ORC3: variants seen among roughly 807,000 people sequenced by gnomAD.
ORC3 encodes the protein origin recognition complex subunit 3, also known as homolog of latheo, Drosophila.
Under a neutral mutation model 100.7 loss-of-function variants are expected in ORC3, and 78 were observed. That is an observed-to-expected ratio of 0.77 (90% CI 0.65 to 0.94). The LOEUF is 0.94. ORC3 is among the 40% of genes least tolerant of loss of function. The probability of loss-of-function intolerance (pLI) is 0.00; values close to 1 mark genes in which losing one functional copy is unlikely to be tolerated. For synonymous variants in ORC3, 295 were observed against 289.3 expected, an observed-to-expected ratio of 1.02 and a Z score of -0.20; for missense variants, 789 against 823.9, an observed-to-expected ratio of 0.96 and a Z score of 0.52.
chr6:87,672,628 G>T, the ORC3 span, among the ~76,000 whole-genome samples: 3 of 152,170 alleles, frequency 2.0e-5, no homozygotes, highest in Admixed American at 6.5e-5. Flanking sequence ...AACCCTAGCT[G>T]CTTAAATCAC....
chr6:87,611,276 G>A (rs1291127965), intron 7 of ORC3, among the ~76,000 whole-genome samples: 1 of 151,950 alleles, frequency 6.6e-6, no homozygotes, highest in Non-Finnish European at 1.5e-5. Context: ...ACCCAGCCCA[G>A]ATCCTAGGAC....
intron 8 of ORC3, among the ~76,000 whole-genome samples, chr6:87,612,683 C>G (rs1418329762): frequency 6.6e-6 from 1 of 152,154 alleles, no homozygotes; most frequent in Non-Finnish European, 1.5e-5. Context: ...GAAATCTTGG[C>G]TCACTGCAAC....
intron 12 of ORC3, among the ~76,000 whole-genome samples, chr6:87,636,037 C>T (rs1767796930): frequency 6.6e-6 from 1 of 151,506 alleles, no homozygotes. Flanking sequence ...CTCCGCCTCC[C>T]AGGTTCACAC....
intron 2 of ORC3, 151 bp downstream of exon 2, chr6:87,594,558 T>C: frequency 3.0e-6 from 4 of 1,323,306 alleles, no homozygotes; most frequent in Non-Finnish European, 3.9e-6. Context: ...GTCAAAGAGA[T>C]AAGAGGACAC....
chr6:87,602,320 C>T (rs191739407), intron 3 of ORC3, among the ~76,000 whole-genome samples: 4 of 152,270 alleles, frequency 2.6e-5, no homozygotes, highest in South Asian at 2.1e-4. Flanking sequence ...CAAATGGTGA[C>T]GCTCTTAAAT....
At chr6:87,653,046 TTA>T in intron 13 of ORC3, 68 bp from the exon 14 acceptor site, 1 of 1,211,404 alleles carries the variant, frequency 8.3e-7, no homozygotes, top group Non-Finnish European at 1.1e-6. Context: ...AATATGTATA[TTA>T]AATAAAATGT....
intron 8 of ORC3, among the ~76,000 whole-genome samples, chr6:87,613,440 C>T (rs1239587040): frequency 6.6e-6 from 1 of 152,102 alleles, no homozygotes; most frequent in Non-Finnish European, 1.5e-5. Flanking sequence ...ATCATTCTGC[C>T]CCTGGCCCCT....
chr6:87,628,221 C>A (rs897043846), intron 11 of ORC3, among the ~76,000 whole-genome samples: 1 of 152,136 alleles, frequency 6.6e-6, no homozygotes, highest in Admixed American at 6.6e-5. Context: ...CTAATGCATG[C>A]GGGGCTTAAT....
At chr6:87,610,461 A>G (rs1275780610) in intron 7 of ORC3, among the ~76,000 whole-genome samples, 2 of 151,962 alleles carry the variant, frequency 1.3e-5, no homozygotes, top group Non-Finnish European at 2.9e-5. Context: ...TGCCTTCCTT[A>G]GTGCTCTTTG....
intron 2 of ORC3, among the ~76,000 whole-genome samples, chr6:87,597,061 A>G (rs904233412): frequency 6.6e-6 from 1 of 152,176 alleles, no homozygotes; most frequent in Non-Finnish European, 1.5e-5. Flanking sequence ...TCCTTATCCC[A>G]AATCTTGGGA....
At chr6:87,601,739 C>A (rs13208201) in intron 2 of ORC3, 45 bp from the exon 3 acceptor site, 42,887 of 1,098,738 alleles carry the variant, frequency 0.039, 1,032 homozygotes, top group Non-Finnish European at 0.047. Flanking sequence ...ATAACTTATA[C>A]TATTATATGA....
At position 87,603,514 on chromosome 6, in the gene ORC3, C is replaced by T. The variant is rs150252172; in HGVS notation, c.308C>T (p.Ala103Val). 43 of 1,517,784 alleles carry T rather than the reference C, an allele frequency of 2.8e-5. No homozygotes were observed. The African/African-American group carries it at 5.7e-4, about 20-fold the overall frequency. 94.0% of individuals were successfully genotyped at this position (1,517,784 alleles called of 1,614,324 possible). A position where few individuals can be genotyped will look rare whatever the true frequency, so the allele number is the denominator to read the frequency against. The change falls in exon 4 of 20, where the codon GCT (alanine) becomes GTT (valine). Residue 103 changes from alanine (A) to valine (V), a missense_variant. Coordinates refer to ENST00000392844, the MANE Select transcript of ORC3 (RefSeq NM_012381.4). The stretch of plus-strand genomic sequence containing the variant: ...ATAAAACTCAGAGAAATTCCAACTG[C>T]TGCTCTTGTTCTTGGTATATATGCG... Reference protein sequence around the residue: ...GQIKLREIPTAALVLGVNVTD... With the variant: ...GQIKLREIPTVALVLGVNVTD...
chr6:87,595,797 A>G (rs2128243775), intron 2 of ORC3, among the ~76,000 whole-genome samples: 2 of 152,130 alleles, frequency 1.3e-5, no homozygotes, highest in South Asian at 4.2e-4. Context: ...TCATATACCC[A>G]TGTGTGTAAG....
Position 87,663,106 on chromosome 6 carries a change from C to T in ORC3, c.1795C>T (p.Leu599Phe), listed in dbSNP as rs572797674. The change falls in exon 17 of 20, where the codon CTC becomes TTC. Residue 599 changes from leucine to phenylalanine, a missense_variant. Around this residue, in one of 3 missense-constraint regions of ORC3, gnomAD observed 366 missense variants for 394.2 expected, o/e 0.93. Coordinates refer to ENST00000392844, the MANE Select transcript of ORC3 (RefSeq NM_012381.4). The part of the protein sequence containing the change: ...EHLNAAPRIA[L>F]HTALNNPYYY... ...TTTAAATGCTGCTCCGCGAATTGCCCTCCATACTGCACTCAACAATCCTTA... is the reference window on the plus strand; with the variant it reads ...TTTAAATGCTGCTCCGCGAATTGCCTTCCATACTGCACTCAACAATCCTTA... 6.2e-7 allele frequency: 1 copy of T among 1,612,730 alleles called. No homozygotes were observed.
At position 87,605,949 on chromosome 6, in the gene ORC3, G is replaced by A. The variant is rs373085430; in HGVS notation, c.355G>A (p.Gly119Arg). Residue 119 changes from glycine to arginine, a missense_variant, in exon 5 of 20, where the codon GGA becomes AGA. By Grantham distance (125) the Gly-to-Arg change is moderately radical. Around this residue, in one of 3 missense-constraint regions of ORC3, gnomAD observed 399 missense variants for 382.0 expected, o/e 1.04. Coordinates refer to ENST00000392844, the MANE Select transcript of ORC3 (RefSeq NM_012381.4). ...TGTCACAGATCATGATTTGACATTCGGAAGTCTAACAGAGGCCCTTCAGAA... is the reference window on the plus strand; with the variant it reads ...TGTCACAGATCATGATTTGACATTCAGAAGTCTAACAGAGGCCCTTCAGAA... ...VNVTDHDLTF[G>R]SLTEALQNNV... The A allele has an allele frequency of 2.6e-5, 41 of 1,605,844 alleles. No homozygotes were observed. Among genetic ancestry groups the A allele is most frequent in the Middle Eastern group, 1.7e-4 (1 of 6,054 alleles).
intron 14 of ORC3, among the ~76,000 whole-genome samples, chr6:87,655,728 C>T (rs28381518): frequency 0.058 from 8,785 of 151,428 alleles, 307 homozygotes; most frequent in African/African-American, 0.099. Context: ...TCTCGAACTC[C>T]TTGTCTCAAG....
chr6:87,657,900 G>A lies in ORC3; in HGVS notation c.1594-21G>A, dbSNP rs754657000. 5.2e-6 allele frequency: 7 copies of A among 1,334,572 alleles called. No homozygotes were observed. The Admixed American group carries it at 1.2e-4, about 23-fold the overall frequency. The allele number at this position is 1,334,572 out of a possible 1,614,324, so 82.7% of individuals were successfully genotyped here. ...TTTCTGTCTGAGGATCACCAGAAAA[G>A]CTATGTTCTTTTATCTATAGTCCTT... is the stretch of plus-strand genomic sequence containing the variant. On this transcript the variant is annotated intron_variant, in intron 15 of 19. Coordinates refer to ENST00000392844, the MANE Select transcript of ORC3 (RefSeq NM_012381.4).
At chr6:87,672,804 ATTTATT>A in the ORC3 span, among the ~76,000 whole-genome samples, 1 of 152,052 alleles carries the variant, frequency 6.6e-6, no homozygotes, top group Non-Finnish European at 1.5e-5. Flanking sequence ...AACCTCCAAT[ATTTATT>A]TTTCTCAGAT....
At chr6:87,629,067 C>T (rs1159557877) in intron 11 of ORC3, among the ~76,000 whole-genome samples, 1 of 152,090 alleles carries the variant, frequency 6.6e-6, no homozygotes, top group Non-Finnish European at 1.5e-5. Flanking sequence ...ACTCTTGCCA[C>T]ATAAGTGCTA....
Sources: allele counts gnomAD v4.1 joint callset (sites outside exome capture counted in the v4.1 genomes callset), GRCh38; gene constraint gnomAD v4.1.1; regional missense constraint gnomAD v4.1.1; transcripts MANE v1.5; gene names NCBI Gene and HGNC (gene_info 2026-07-23, HGNC 2026-07-21).